Variants in TMEM135 observed in about 807,000 individuals in gnomAD.
TMEM135 encodes the protein peroxisomal membrane protein 52.
A neutral mutation model predicts 60.3 loss-of-function variants in TMEM135; 30 were observed. That is an observed-to-expected ratio of 0.50 (90% CI 0.37 to 0.68). The LOEUF (loss-of-function observed/expected upper bound fraction) is 0.68, where lower values mean the gene tolerates loss of function less well. Among genes scored for constraint, TMEM135 ranks in the 30% least tolerant of loss-of-function variants. The pLI, the probability that TMEM135 is intolerant of heterozygous loss-of-function variation, is 0.00. For missense variants in TMEM135, 468 were observed against 548.8 expected, an observed-to-expected ratio of 0.85 and a Z score of 1.47; for synonymous variants, 190 against 186.7, an observed-to-expected ratio of 1.02 and a Z score of -0.14.
rs1163364367 is a variant in TMEM135 at position 87,324,740 on chromosome 11, T to C, written c.*3407T>C. On this transcript the variant is annotated 3_prime_UTR_variant, in exon 15 of 15. Transcript: ENST00000305494. Reference sequence around the variant, plus strand: ...GCCACGGTACCTAGCCATATTTTTATTTGTATGAGTATTAAGTAGTTTGAC... The same window carrying C: ...GCCACGGTACCTAGCCATATTTTTACTTGTATGAGTATTAAGTAGTTTGAC... The C allele has an allele frequency of 4.4e-6, 2 of 453,866 alleles. No homozygotes were observed. Among genetic ancestry groups the C allele is most frequent in the Non-Finnish European group, 8.8e-6 (2 of 226,760 alleles). 28.1% of individuals were successfully genotyped at this position (453,866 alleles called of 1,614,324 possible).
At chr11:87,080,009 T>C (rs147808604) in intron 3 of TMEM135, among the ~76,000 whole-genome samples, 3 of 150,986 alleles carry the variant, frequency 2.0e-5, no homozygotes, top group African/African-American at 4.9e-5. Flanking sequence ...GCCTGGCTAA[T>C]TTTTGTATTT....
intron 6 of TMEM135, among the ~76,000 whole-genome samples, chr11:87,269,307 C>CT (rs34439506): frequency 0.36 from 44,064 of 120,794 alleles, 8,089 homozygotes; most frequent in Non-Finnish European, 0.44. Flanking sequence ...TATGAGGAAG[C>CT]TTTTTTTTTT....
At chr11:87,257,548 G>T (rs182327787) in intron 6 of TMEM135, among the ~76,000 whole-genome samples, 2 of 152,066 alleles carry the variant, frequency 1.3e-5, no homozygotes, top group Admixed American at 1.3e-4. Flanking sequence ...CTTACCTCAT[G>T]GGGTTATTGT....
chr11:87,253,591 C>T (rs1591142557), intron 6 of TMEM135, among the ~76,000 whole-genome samples: 1 of 147,314 alleles, frequency 6.8e-6, no homozygotes, highest in East Asian at 2.2e-4. Flanking sequence ...ACAGTAGCCT[C>T]TTTGTCAATC....
At chr11:87,228,044 A>AT (rs569062703) in intron 5 of TMEM135, among the ~76,000 whole-genome samples, 42 of 152,306 alleles carry the variant, frequency 2.8e-4, no homozygotes, top group African/African-American at 9.6e-4. Flanking sequence ...CACCAAAACC[A>AT]TTGCTTAAAT....
chr11:87,236,901 C>A (rs1280295991), intron 6 of TMEM135, among the ~76,000 whole-genome samples: 2 of 151,728 alleles, frequency 1.3e-5, no homozygotes, highest in African/African-American at 4.8e-5. Context: ...CCCCACCCCC[C>A]ATTCTATTTA....
chr11:87,044,084 AGTGGATGAACAT>A (rs1356585653), intron 1 of TMEM135, among the ~76,000 whole-genome samples: 1 of 152,156 alleles, frequency 6.6e-6, no homozygotes, highest in African/African-American at 2.4e-5. Context: ...TAGACTCTTC[AGTGGATGAACAT>A]GTTTACTCAA....
chr11:87,166,285 G>T (rs928374244), intron 5 of TMEM135, among the ~76,000 whole-genome samples: 5 of 151,558 alleles, frequency 3.3e-5, no homozygotes, highest in African/African-American at 1.2e-4. Flanking sequence ...AGTTTATTTT[G>T]CTGTGCAGAA....
chr11:87,260,531 AT>A (rs11338743), intron 6 of TMEM135, among the ~76,000 whole-genome samples: 53,640 of 151,236 alleles, frequency 0.35, 10,037 homozygotes, highest in Non-Finnish European at 0.42. Context: ...TTTATTATCT[AT>A]TTTTTTTTGG....
intron 5 of TMEM135, among the ~76,000 whole-genome samples, chr11:87,199,170 G>T (rs1401406454): frequency 2.6e-5 from 4 of 152,126 alleles, no homozygotes; most frequent in Non-Finnish European, 5.9e-5. Flanking sequence ...GACCAGCCTG[G>T]CCAACATGGT....
chr11:87,138,695 C>CA, intron 4 of TMEM135, among the ~76,000 whole-genome samples: 1 of 152,192 alleles, frequency 6.6e-6, no homozygotes, highest in Admixed American at 6.5e-5. Context: ...TAGTATGATA[C>CA]ATTGTGGCAG....
chr11:87,327,280 A>G lies in TMEM135; in HGVS notation c.*5947A>G. On this transcript the variant is annotated 3_prime_UTR_variant, in exon 15 of 15. Coordinates refer to ENST00000305494, the MANE Select transcript of TMEM135 (RefSeq NM_022918.4). ...TTTTTCTCTTGTTCAAGGTATTAGT[A>G]TTAGTCAGTAGGGTCTGAATCTGTG... is the stretch of plus-strand genomic sequence containing the variant. 2.2e-6 allele frequency: 1 copy of G among 454,090 alleles called. No individual in the cohort carries two copies. The highest frequency in any genetic ancestry group is 1.6e-5 in the South Asian group (1 of 64,476). The allele number at this position is 454,090 out of a possible 1,614,324, so 28.1% of individuals were successfully genotyped here.
At chr11:87,057,695 A>T (rs572003604) in intron 1 of TMEM135, among the ~76,000 whole-genome samples, 1 of 152,154 alleles carries the variant, frequency 6.6e-6, no homozygotes, top group African/African-American at 2.4e-5. Flanking sequence ...TGAGATATTT[A>T]TATTTGGCTT....
intron 5 of TMEM135, among the ~76,000 whole-genome samples, chr11:87,210,235 T>C (rs1940332215): frequency 6.6e-6 from 1 of 152,136 alleles, no homozygotes; most frequent in Non-Finnish European, 1.5e-5. Flanking sequence ...AAGTTCGTTC[T>C]TTGAAAGATT....
At chr11:87,056,764 T>G (rs1295185950) in intron 1 of TMEM135, among the ~76,000 whole-genome samples, 1 of 152,198 alleles carries the variant, frequency 6.6e-6, no homozygotes, top group Non-Finnish European at 1.5e-5. Context: ...TGTTCATGAG[T>G]TCTGTTTAAA....
chr11:87,123,581 TTG>T (rs34976066), intron 4 of TMEM135, among the ~76,000 whole-genome samples: 72,265 of 151,850 alleles, frequency 0.48, 17,468 homozygotes, highest in East Asian at 0.67. Flanking sequence ...AATTTATCAT[TTG>T]TGGGGACAAT....
intron 6 of TMEM135, among the ~76,000 whole-genome samples, chr11:87,264,756 G>A (rs1408923577): frequency 6.6e-6 from 1 of 151,782 alleles, no homozygotes; most frequent in African/African-American, 2.4e-5. Context: ...TATCAATAAA[G>A]TCAAAAAAAT....
At chr11:87,312,839 G>A (rs1942665034) in intron 10 of TMEM135, among the ~76,000 whole-genome samples, 1 of 151,866 alleles carries the variant, frequency 6.6e-6, no homozygotes, top group Admixed American at 6.6e-5. Context: ...TTCACTTTTA[G>A]TGCAAGTAAA....
chr11:87,101,487 T>C (rs1047835351), intron 4 of TMEM135, among the ~76,000 whole-genome samples: 2 of 152,236 alleles, frequency 1.3e-5, no homozygotes, highest in Non-Finnish European at 2.9e-5. Context: ...AAAATCCTTC[T>C]GTTTGAGTCC....
Sources: allele counts gnomAD v4.1 joint callset (sites outside exome capture counted in the v4.1 genomes callset), GRCh38; gene constraint gnomAD v4.1.1; transcripts MANE v1.5; gene names NCBI Gene and HGNC (gene_info 2026-07-23, HGNC 2026-07-21).